The following RAB6B variants were observed in gnomAD, a reference collection of about 807,000 sequenced individuals.
The protein encoded by RAB6B is RAB6B, member RAS oncogene family.
In RAB6B, 7 loss-of-function variants were observed where a neutral mutation model predicts 31.2. That is an observed-to-expected ratio of 0.22 (90% CI 0.13 to 0.42). The LOEUF is 0.42. Ranked by LOEUF, RAB6B falls within the 10% of genes least tolerant of loss-of-function variation. The pLI is 1.00. For synonymous variants in RAB6B, 105 were observed against 104.9 expected (o/e 1.00, Z -0.01); for missense variants, 149 against 280.6 (o/e 0.53, Z 3.35).
chr3:133,840,813 C>T (rs977397005), intron 4 of RAB6B, among the ~76,000 whole-genome samples: 2 of 152,138 alleles, frequency 1.3e-5, no homozygotes, highest in African/African-American at 4.8e-5. Context: ...TACCAGCCTA[C>T]TGCGCTTCCA....
At chr3:133,878,275 T>C (rs1936423251) in intron 1 of RAB6B, among the ~76,000 whole-genome samples, 1 of 151,784 alleles carries the variant, frequency 6.6e-6, no homozygotes, top group South Asian at 2.1e-4. Context: ...AAAAAAATCA[T>C]AAAAGTAGTC....
chr3:133,866,754 TGGGGCAACCCTGAACTAGCAAGA>T (rs1346297015), intron 1 of RAB6B, among the ~76,000 whole-genome samples: 1 of 152,192 alleles, frequency 6.6e-6, no homozygotes, highest in Admixed American at 6.5e-5. Context: ...GAGGGGAAAG[TGGGGCAACCCTGAACTAGCAAGA>T]GGCAGATGCA....
At chr3:133,866,748 G>A (rs1936242147) in intron 1 of RAB6B, among the ~76,000 whole-genome samples, 1 of 152,240 alleles carries the variant, frequency 6.6e-6, no homozygotes, top group Non-Finnish European at 1.5e-5. Context: ...ACCACAGAGG[G>A]GAAAGTGGGG....
At chr3:133,870,725 C>A (rs1936312063) in intron 1 of RAB6B, among the ~76,000 whole-genome samples, 1 of 152,232 alleles carries the variant, frequency 6.6e-6, no homozygotes. Context: ...GCCAGCACTG[C>A]ATTCAGAAAA....
At chr3:133,866,929 A>T (rs1936245945) in intron 1 of RAB6B, among the ~76,000 whole-genome samples, 1 of 152,266 alleles carries the variant, frequency 6.6e-6, no homozygotes, top group Non-Finnish European at 1.5e-5. Flanking sequence ...AGGTGCATGC[A>T]TCAGGGATCA....
intron 1 of RAB6B, among the ~76,000 whole-genome samples, chr3:133,892,366 G>A (rs971175058): frequency 6.6e-6 from 1 of 152,130 alleles, no homozygotes; most frequent in African/African-American, 2.4e-5. Context: ...CAGGCCAGGG[G>A]GACAGCTGCC....
At chr3:133,864,563 G>A (rs1249821788) in intron 2 of RAB6B, 21 bp downstream of exon 2, 1 of 1,611,192 alleles carries the variant, frequency 6.2e-7, no homozygotes, top group South Asian at 1.1e-5. Context: ...TGATATGGAG[G>A]GTGAGCACCC....
intron 7 of RAB6B, among the ~76,000 whole-genome samples, chr3:133,831,216 G>T (rs1262141723): frequency 6.6e-6 from 1 of 152,224 alleles, no homozygotes; most frequent in East Asian, 1.9e-4. Flanking sequence ...TCCTACCTTG[G>T]TAGATGTGGG....
chr3:133,889,837 C>T (rs1208956180), intron 1 of RAB6B, among the ~76,000 whole-genome samples: 1 of 152,234 alleles, frequency 6.6e-6, no homozygotes, highest in African/African-American at 2.4e-5. Flanking sequence ...ATTATTATTA[C>T]ATCTACGCAG....
intron 2 of RAB6B, among the ~76,000 whole-genome samples, chr3:133,859,833 T>C (rs1164350281): frequency 1.3e-5 from 2 of 152,178 alleles, no homozygotes; most frequent in Admixed American, 6.5e-5. Flanking sequence ...GCCAGATAAG[T>C]GGCCTGCAGA....
rs180826145 is a variant in RAB6B at position 133,856,827 on chromosome 3, T to C, written c.129+7757A>G. 7.4e-4 allele frequency among the ~76,000 whole-genome samples: 112 copies of C among 152,322 alleles called. 1 individual carries two copies. The East Asian group carries it at 0.02, about 27-fold the overall frequency. On this transcript the variant is annotated intron_variant, in intron 2 of 7. Transcript: ENST00000285208. ...ATGACTTGCAGTGCCCCAGTGGGTCTCTGAGGCAGGGTCATCTTGCCAGAG... is the reference window on the plus strand; with the variant it reads ...ATGACTTGCAGTGCCCCAGTGGGTCCCTGAGGCAGGGTCATCTTGCCAGAG...
intron 1 of RAB6B, among the ~76,000 whole-genome samples, chr3:133,870,282 C>T (rs982808965): frequency 1.3e-5 from 2 of 152,150 alleles, no homozygotes; most frequent in African/African-American, 2.4e-5. Flanking sequence ...TGAGACCTCA[C>T]TATCACGAGA....
chr3:133,881,361 T>C (rs561370701), intron 1 of RAB6B, among the ~76,000 whole-genome samples: 2 of 152,262 alleles, frequency 1.3e-5, no homozygotes, highest in Non-Finnish European at 2.9e-5. Flanking sequence ...ACTATCTCTT[T>C]CGGTGCACAG....
Position 133,824,762 on chromosome 3 carries a change from A to G in RAB6B, c.*4026T>C, listed in dbSNP as rs1935530042. 6.6e-6 allele frequency: 1 copy of G among 152,214 alleles called. No homozygotes were observed. Among genetic ancestry groups the G allele is most frequent in the Non-Finnish European group, 1.5e-5 (1 of 68,052 alleles). 9.4% of individuals were successfully genotyped at this position (152,214 alleles called of 1,614,324 possible). On this transcript the variant is annotated 3_prime_UTR_variant, in exon 8 of 8. Coordinates refer to ENST00000285208, the MANE Select transcript of RAB6B (RefSeq NM_016577.4). ...ATATTCTCACTCATATGCTGGGAAG[A>G]ACCTAGTGTCCTAACCAAAAAGAGT... is the stretch of plus-strand genomic sequence containing the variant.
chr3:133,841,734 C>A, intron 2 of RAB6B, 71 bp from the exon 3 acceptor site: 1 of 1,501,672 alleles, frequency 6.7e-7, no homozygotes, highest in East Asian at 2.3e-5. Context: ...CTAGCGACCA[C>A]AGGTGGTGGC....
intron 1 of RAB6B, among the ~76,000 whole-genome samples, chr3:133,871,739 A>G (rs1269844737): frequency 6.6e-6 from 1 of 152,256 alleles, no homozygotes; most frequent in Non-Finnish European, 1.5e-5. Flanking sequence ...CACAGACATT[A>G]GCCAGAGACT....
chr3:133,889,391 TATATATATATATATATATATATATATATA>T lies in RAB6B; in HGVS notation c.70+5977_70+6005del, dbSNP rs1936599710. Among the ~76,000 whole-genome samples the T allele has an allele frequency of 1.1e-3, 37 of 34,038 alleles. 3 individuals are homozygous for T. Among genetic ancestry groups the T allele is most frequent in the Middle Eastern group, 0.015 (1 of 66 alleles). 22.3% of individuals were successfully genotyped at this position (34,038 alleles called of 152,430 possible). ...AAAGGACAATAAGGTTATTTTGTTA[TATATATATATATATATATATATATATATA>T]TATATATATATATATATATATATAT... On this transcript the variant is annotated intron_variant, in intron 1 of 7. Transcript: ENST00000285208.
chr3:133,857,029 A>G (rs1936090288), intron 2 of RAB6B, among the ~76,000 whole-genome samples: 2 of 151,708 alleles, frequency 1.3e-5, no homozygotes, highest in African/African-American at 4.9e-5. Flanking sequence ...GTTGAGCATC[A>G]TTTGGCAGAG....
At chr3:133,830,617 T>C (rs754070649) in intron 7 of RAB6B, among the ~76,000 whole-genome samples, 6 of 152,178 alleles carry the variant, frequency 3.9e-5, no homozygotes, top group African/African-American at 9.7e-5. Context: ...CACGCATTAG[T>C]GGCCTCTCCT....
Sources: gnomAD v4.1 joint callset for allele counts (sites outside exome capture counted in the v4.1 genomes callset) on GRCh38, gnomAD v4.1.1 for gene constraint, MANE v1.5 for transcripts, NCBI Gene and HGNC (gene_info 2026-07-23, HGNC 2026-07-21) for gene names.